Variants in TMEM209 observed in about 807,000 individuals in gnomAD.
TMEM209 encodes transmembrane protein 209, also known as testicular tissue protein Li 202.
A neutral mutation model predicts 76.2 loss-of-function variants in TMEM209; 65 were observed. The observed-to-expected ratio is 0.85, with a 90% confidence interval of 0.70 to 1.05. The LOEUF (loss-of-function observed/expected upper bound fraction) is 1.05, where lower values mean the gene tolerates loss of function less well. Ranked by LOEUF, TMEM209 falls within the 50% of genes least tolerant of loss-of-function variation. The pLI is 0.00. For synonymous variants in TMEM209, 239 were observed against 237.6 expected (o/e 1.01, Z -0.06); for missense variants, 623 against 685.5 (o/e 0.91, Z 1.02).
rs759223524 is a variant in TMEM209, at chr7:130,202,085, T to C, written c.338A>G (p.Gln113Arg). ...TLLGLKTAVV[Q>R]TTPPHDLAAT... ...TGCCAGATCATGTGGAGGCGTAGTC[T>C]GTACAACTAGAAGGAAAAAAAAAGC... The change falls in exon 5 of 15, where the codon CAG becomes CGG. Residue 113 changes from glutamine (Q) to arginine (R), a missense_variant. Physicochemically the swap from Gln to Arg is conservative, Grantham distance 43. Coordinates refer to ENST00000397622, the MANE Select transcript of TMEM209 (RefSeq NM_032842.4). 9.9e-6 allele frequency: 16 copies of C among 1,608,636 alleles called. No homozygotes were observed. Among genetic ancestry groups the C allele is most frequent in the Non-Finnish European group, 1.4e-5 (16 of 1,177,064 alleles).
At position 130,173,740 on chromosome 7, in the gene TMEM209, A is replaced by G; in HGVS notation, c.1460-11T>C. The G allele has an allele frequency of 6.2e-7, 1 of 1,612,374 alleles. No individual in the cohort carries two copies. The highest frequency in any genetic ancestry group is 8.5e-7 in the Non-Finnish European group (1 of 1,178,496). ...TCTCATTTGTAACATCTGTAAAGGA[A>G]GGCAATATGCTGCATTAAAAAACCA... On this transcript the variant is annotated splice_polypyrimidine_tract_variant and intron_variant, in intron 12 of 14. Transcript: ENST00000397622.
intron 5 of TMEM209, among the ~76,000 whole-genome samples, chr7:130,193,802 T>C (rs971959005): frequency 1.3e-5 from 2 of 152,126 alleles, no homozygotes; most frequent in Admixed American, 6.5e-5. Flanking sequence ...TACACATTTG[T>C]CCAAACCCAT....
intron 8 of TMEM209, among the ~76,000 whole-genome samples, chr7:130,182,273 AT>A (rs900853151): frequency 2.0e-5 from 3 of 151,068 alleles, no homozygotes; most frequent in Middle Eastern, 3.4e-3. Context: ...ACATGTTTTT[AT>A]TTTTTTTCCT....
rs954202641 is a variant in TMEM209 at position 130,164,881 on chromosome 7, A to T, written c.*1570T>A. 3 of 152,214 alleles carry T rather than the reference A, an allele frequency of 2.0e-5. No homozygotes were observed. Among genetic ancestry groups the T allele is most frequent in the African/African-American group, 7.2e-5 (3 of 41,470 alleles). The allele number at this position is 152,214 out of a possible 1,614,324, so 9.4% of individuals were successfully genotyped here. On this transcript the variant is annotated 3_prime_UTR_variant, in exon 15 of 15. Coordinates refer to ENST00000397622, the MANE Select transcript of TMEM209 (RefSeq NM_032842.4). ...GTTTGATATTTTCTTCTAGAATATCATAGCAAATAAATATTCAACATACAC... is the reference window on the plus strand; with the variant it reads ...GTTTGATATTTTCTTCTAGAATATCTTAGCAAATAAATATTCAACATACAC...
At position 130,166,476 on chromosome 7, in the gene TMEM209, T is replaced by C; in HGVS notation, c.1661A>G (p.Asn554Ser). ...GRVNLGLSGV[N>S]ILWIFGE Reference sequence around the variant, plus strand: ...CTACTCGCCAAAGATCCACAATATATTCACACCAGATAGACCAAGATTAAC... The same window carrying C: ...CTACTCGCCAAAGATCCACAATATACTCACACCAGATAGACCAAGATTAAC... The change falls in exon 15 of 15, where the codon AAT becomes AGT. Residue 554 changes from asparagine (N) to serine (S), a missense_variant. Coordinates refer to ENST00000397622, the MANE Select transcript of TMEM209 (RefSeq NM_032842.4). 6.5e-7 allele frequency: 1 copy of C among 1,545,758 alleles called. No homozygotes were observed.
At chr7:130,168,533 T>G (rs988451776) in intron 14 of TMEM209, among the ~76,000 whole-genome samples, 1 of 152,182 alleles carries the variant, frequency 6.6e-6, no homozygotes, top group Non-Finnish European at 1.5e-5. Context: ...AATATATATG[T>G]GTAAGTATAT....
At chr7:130,180,002 A>C (rs1418958112) in intron 9 of TMEM209, among the ~76,000 whole-genome samples, 5 of 152,236 alleles carry the variant, frequency 3.3e-5, no homozygotes, top group Non-Finnish European at 5.9e-5. Context: ...ATTCACACCT[A>C]CTGACACACA....
chr7:130,170,486 C>A lies in TMEM209; in HGVS notation c.1558-13G>T, dbSNP rs772790437. On this transcript the variant is annotated splice_polypyrimidine_tract_variant and intron_variant, in intron 13 of 14. Transcript: ENST00000397622. ...TATTATTTCTGCCCTGGAACAAAGA[C>A]AAAAAAGACAAGATTTAAACCAAAT... The A allele has an allele frequency of 1.9e-6, 3 of 1,599,138 alleles. No homozygotes were observed. Among genetic ancestry groups the A allele is most frequent in the Admixed American group, 1.7e-5 (1 of 57,910 alleles).
At chr7:130,174,836 A>G (rs1426545575) in intron 11 of TMEM209, among the ~76,000 whole-genome samples, 1 of 152,222 alleles carries the variant, frequency 6.6e-6, no homozygotes, top group Non-Finnish European at 1.5e-5. Context: ...TTTTAGGTCC[A>G]CTATAGGAGA....
chr7:130,176,816 T>C (rs962597623), intron 10 of TMEM209, among the ~76,000 whole-genome samples: 1 of 152,126 alleles, frequency 6.6e-6, no homozygotes, highest in Non-Finnish European at 1.5e-5. Flanking sequence ...TTTTATGAGA[T>C]AGCTGGAAAT....
intron 8 of TMEM209, among the ~76,000 whole-genome samples, chr7:130,183,256 T>C (rs1043440106): frequency 2.6e-5 from 4 of 152,056 alleles, no homozygotes; most frequent in Middle Eastern, 3.4e-3. Context: ...TTGCCAGCTG[T>C]GACAAATGGT....
intron 13 of TMEM209, among the ~76,000 whole-genome samples, chr7:130,170,804 C>T (rs1014536886): frequency 2.2e-4 from 34 of 151,174 alleles, no homozygotes; most frequent in Non-Finnish European, 2.4e-4. Flanking sequence ...GACTGGTTAG[C>T]GACAGAATGC....
Position 130,184,270 on chromosome 7 carries a change from G to A in TMEM209, c.952-15C>T. On this transcript the variant is annotated splice_polypyrimidine_tract_variant and intron_variant, in intron 7 of 14. Transcript: ENST00000397622. ...CTTGCCCAGACCTATAAAAATTCAT[G>A]TTTAAAATGAACAATCAGTGAGGAA... The A allele has an allele frequency of 6.4e-7, 1 of 1,566,966 alleles. No homozygotes were observed. Among genetic ancestry groups the A allele is most frequent in the South Asian group, 1.2e-5 (1 of 84,400 alleles).
intron 3 of TMEM209, among the ~76,000 whole-genome samples, chr7:130,203,112 G>A (rs553811333): frequency 2.0e-5 from 3 of 151,820 alleles, no homozygotes; most frequent in Non-Finnish European, 1.5e-5. Flanking sequence ...ATTATGTGTA[G>A]GTAATTTACT....
intron 2 of TMEM209, 34 bp from the exon 3 acceptor site, chr7:130,203,880 C>T (rs1239087430): frequency 1.3e-6 from 2 of 1,590,704 alleles, no homozygotes; most frequent in East Asian, 4.5e-5. Flanking sequence ...TCCAGTGAAC[C>T]TAAAAACACC....
At chr7:130,173,478 A>T (rs1317101401) in intron 13 of TMEM209, among the ~76,000 whole-genome samples, 154 bp downstream of exon 13, 1 of 152,204 alleles carries the variant, frequency 6.6e-6, no homozygotes, top group African/African-American at 2.4e-5. Flanking sequence ...TTAAGCACAT[A>T]TTACTTTTAT....
chr7:130,181,538 A>G, intron 9 of TMEM209, 85 bp downstream of exon 9: 2 of 1,193,476 alleles, frequency 1.7e-6, no homozygotes, highest in Non-Finnish European at 2.4e-6. Context: ...AGGTAACAAA[A>G]TAAGTTAAGC....
Position 130,165,120 on chromosome 7 carries a change from T to G in TMEM209, c.*1331A>C, listed in dbSNP as rs1039431363. On this transcript the variant is annotated 3_prime_UTR_variant, in exon 15 of 15. Coordinates refer to ENST00000397622, the MANE Select transcript of TMEM209 (RefSeq NM_032842.4). ...AACAAAAAATATACTTACATTTCTC[T>G]TCCAGAGAGTAATGACTGTATTCAA... is the stretch of plus-strand genomic sequence containing the variant. 8.5e-5 allele frequency: 13 copies of G among 152,222 alleles called. No homozygotes were observed. Among genetic ancestry groups the G allele is most frequent in the Admixed American group, 8.5e-4 (13 of 15,286 alleles). The allele number at this position is 152,222 out of a possible 1,614,324, so 9.4% of individuals were successfully genotyped here. A position where few individuals can be genotyped will look rare whatever the true frequency, so the allele number is the denominator to read the frequency against.
intron 13 of TMEM209, among the ~76,000 whole-genome samples, 178 bp from the exon 14 acceptor site, chr7:130,170,651 G>T (rs914627533): frequency 1.3e-5 from 2 of 152,144 alleles, no homozygotes; most frequent in African/African-American, 4.8e-5. Flanking sequence ...GAATACTGCA[G>T]TGAGTAAGAC....
Sources: allele counts gnomAD v4.1 joint callset (sites outside exome capture counted in the v4.1 genomes callset), GRCh38; gene constraint gnomAD v4.1.1; transcripts MANE v1.5; gene names NCBI Gene and HGNC (gene_info 2026-07-23, HGNC 2026-07-21).